The following EEF1AKMT1 variants were observed in gnomAD, a reference collection of about 807,000 sequenced individuals.
EEF1AKMT1 encodes EEF1A lysine methyltransferase 1.
EEF1AKMT1 carries 18 observed loss-of-function variants against 21.0 expected under a neutral mutation model. The ratio of observed to expected loss-of-function variants is 0.86; its 90% CI spans 0.59 to 1.27. The LOEUF is 1.27. Among genes scored for constraint, EEF1AKMT1 ranks in the 50% most tolerant of loss-of-function variants. The pLI, the probability that EEF1AKMT1 is intolerant of heterozygous loss-of-function variation, is 0.00. For missense variants in EEF1AKMT1, 246 were observed against 258.6 expected (o/e 0.95, Z 0.33); for synonymous variants, 109 against 94.8 (o/e 1.15, Z -0.87).
Position 20,757,445 on chromosome 13 carries a change from A to C in EEF1AKMT1, c.144+10T>G, listed in dbSNP as rs1489358169. 18 of 1,613,748 alleles carry C rather than the reference A, an allele frequency of 1.1e-5. No individual in the cohort carries two copies. The highest frequency in any genetic ancestry group is 1.5e-5 in the Non-Finnish European group (18 of 1,179,740). On this transcript the variant is annotated intron_variant, in intron 2 of 4. Coordinates refer to ENST00000382758, the MANE Select transcript of EEF1AKMT1 (RefSeq NM_001318939.2). ...ATACTTCCTGATGGCTGTGAAATGCATTTACTTACCCAATTCTCTTCTATT... is the reference window on the plus strand; with the variant it reads ...ATACTTCCTGATGGCTGTGAAATGCCTTTACTTACCCAATTCTCTTCTATT...
chr13:20,736,419 T>C (rs1308273402), intron 3 of EEF1AKMT1, among the ~76,000 whole-genome samples: 7 of 152,140 alleles, frequency 4.6e-5, no homozygotes, highest in Non-Finnish European at 1.5e-5. Flanking sequence ...CTGTAGCAGC[T>C]ATCGGAGGAG....
At chr13:20,734,169 A>G (rs2058813574) in intron 3 of EEF1AKMT1, among the ~76,000 whole-genome samples, 1 of 152,244 alleles carries the variant, frequency 6.6e-6, no homozygotes, top group Admixed American at 6.5e-5. Context: ...ACATCTTCCG[A>G]TAAAAAAGGT....
At chr13:20,748,726 G>GTTGTTGTTGTTT (rs2058924339) in intron 2 of EEF1AKMT1, among the ~76,000 whole-genome samples, 8 of 72,614 alleles carry the variant, frequency 1.1e-4, no homozygotes, top group Non-Finnish European at 1.6e-4. Context: ...TTTTTTTTTG[G>GTTGTTGTTGTTT]TTTTTTTTTT....
chr13:20,748,213 G>C (rs1370814940), intron 2 of EEF1AKMT1, among the ~76,000 whole-genome samples: 3 of 152,096 alleles, frequency 2.0e-5, no homozygotes, highest in African/African-American at 4.8e-5. Flanking sequence ...GAGGCGGGCG[G>C]ACCATGAGGT....
In EEF1AKMT1 at chr13:20,738,372, A is replaced by T. The variant is rs1472120366; in HGVS notation, c.145-567T>A. On this transcript the variant is annotated intron_variant, in intron 2 of 4. Transcript: ENST00000382758. The stretch of plus-strand genomic sequence containing the variant: ...TGCTTCATGCTGATTGGTGATTTTT[A>T]AAAAATTTCTAGTGATCTTTATCTA... Among the ~76,000 whole-genome samples, 2 of 152,324 alleles carry T rather than the reference A, an allele frequency of 1.3e-5. 1 individual carries two copies. The highest frequency in any genetic ancestry group is 4.1e-4 in the South Asian group (2 of 4,830).
intron 2 of EEF1AKMT1, among the ~76,000 whole-genome samples, chr13:20,748,737 T>TTG (rs1275029566): frequency 3.0e-5 from 4 of 135,570 alleles, no homozygotes; most frequent in Admixed American, 7.3e-5. Flanking sequence ...TTTTTTTTTT[T>TTG]TTTTTTTTTT....
chr13:20,751,695 A>G (rs2058941640), intron 2 of EEF1AKMT1, among the ~76,000 whole-genome samples: 1 of 151,662 alleles, frequency 6.6e-6, no homozygotes, highest in African/African-American at 2.4e-5. Context: ...GTGAAAAATG[A>G]CATTAGTATT....
chr13:20,766,415 C>G (rs537290455), intron 1 of EEF1AKMT1, among the ~76,000 whole-genome samples: 1 of 151,956 alleles, frequency 6.6e-6, no homozygotes, highest in African/African-American at 2.4e-5. Flanking sequence ...GTTGTATATT[C>G]CTACAGTATA....
intron 1 of EEF1AKMT1, among the ~76,000 whole-genome samples, chr13:20,763,562 C>A (rs1310796514): frequency 6.6e-6 from 1 of 151,794 alleles, no homozygotes; most frequent in East Asian, 1.9e-4. Context: ...AAGCGATTTT[C>A]CAGCCTCAGC....
chr13:20,772,331 C>T (rs2059066907), intron 1 of EEF1AKMT1, among the ~76,000 whole-genome samples: 1 of 152,110 alleles, frequency 6.6e-6, no homozygotes, highest in Non-Finnish European at 1.5e-5. Flanking sequence ...GGCTCAGACT[C>T]TAAATCAGCA....
intron 1 of EEF1AKMT1, among the ~76,000 whole-genome samples, chr13:20,764,673 A>AT (rs2059018013): frequency 6.6e-6 from 1 of 152,008 alleles, no homozygotes; most frequent in African/African-American, 2.4e-5. Flanking sequence ...GCTTCATGTA[A>AT]TTTAAATTGT....
At chr13:20,737,360 C>T (rs2058831673) in intron 3 of EEF1AKMT1, among the ~76,000 whole-genome samples, 1 of 151,844 alleles carries the variant, frequency 6.6e-6, no homozygotes, top group Non-Finnish European at 1.5e-5. Context: ...AGTGAGACTC[C>T]GTCTCAAAAT....
chr13:20,773,376 C>T (rs1427707759), intron 1 of EEF1AKMT1, among the ~76,000 whole-genome samples: 2 of 152,186 alleles, frequency 1.3e-5, no homozygotes, highest in Admixed American at 1.3e-4. Context: ...GCAGTAAAGC[C>T]GCCCGCGTCC....
intron 2 of EEF1AKMT1, among the ~76,000 whole-genome samples, chr13:20,742,319 A>C (rs895263733): frequency 6.6e-6 from 1 of 151,618 alleles, no homozygotes; most frequent in Non-Finnish European, 1.5e-5. Flanking sequence ...TTACTGTTTT[A>C]TTATTGATTT....
chr13:20,759,480 TGAGGCAG>T (rs1264051417), intron 1 of EEF1AKMT1, among the ~76,000 whole-genome samples: 1 of 151,884 alleles, frequency 6.6e-6, no homozygotes, highest in East Asian at 1.9e-4. Flanking sequence ...CCCGGGAGGC[TGAGGCAG>T]GAGAATGGCG....
intron 2 of EEF1AKMT1, among the ~76,000 whole-genome samples, chr13:20,748,448 A>T (rs1003698299): frequency 7.3e-5 from 11 of 151,638 alleles, no homozygotes; most frequent in Non-Finnish European, 1.5e-4. Context: ...AAAAAAAAAA[A>T]GTCAAAAGCA....
intron 2 of EEF1AKMT1, among the ~76,000 whole-genome samples, chr13:20,755,167 AGT>A (rs1491092217): frequency 1.3e-5 from 2 of 152,218 alleles, no homozygotes; most frequent in East Asian, 3.9e-4. Context: ...TACTACTGGC[AGT>A]GGGGTTGCTT....
At chr13:20,771,396 C>G (rs1329400391) in intron 1 of EEF1AKMT1, among the ~76,000 whole-genome samples, 1 of 152,002 alleles carries the variant, frequency 6.6e-6, no homozygotes, top group Non-Finnish European at 1.5e-5. Flanking sequence ...AATTTGATCC[C>G]AAAATGAAAG....
intron 1 of EEF1AKMT1, among the ~76,000 whole-genome samples, chr13:20,758,491 CATACA>C (rs1204638011): frequency 1.3e-5 from 2 of 152,046 alleles, no homozygotes; most frequent in African/African-American, 4.8e-5. Context: ...TATTTATATA[CATACA>C]ATAAACAAAT....
Sources: allele counts gnomAD v4.1 joint callset (sites outside exome capture counted in the v4.1 genomes callset), GRCh38; gene constraint gnomAD v4.1.1; transcripts MANE v1.5; gene names NCBI Gene and HGNC (gene_info 2026-07-23, HGNC 2026-07-21).